The following STK33 variants were observed in gnomAD, a reference collection of about 807,000 sequenced individuals.
STK33 encodes serine/threonine kinase 33.
A neutral mutation model predicts 58.0 loss-of-function variants in STK33; 52 were observed. That is an observed-to-expected ratio of 0.90 (90% confidence interval 0.72 to 1.13). The LOEUF is 1.13. Among genes scored for constraint, STK33 ranks in the 50% most tolerant of loss-of-function variants. STK33 has a pLI of 0.00. For synonymous variants in STK33, 215 were observed against 200.1 expected, an observed-to-expected ratio of 1.07 and a Z score of -0.63; for missense variants, 630 against 604.2, an observed-to-expected ratio of 1.04 and a Z score of -0.45.
chr11:8,353,700 T>C, the STK33 span, among the ~76,000 whole-genome samples: 1 of 152,176 alleles, frequency 6.6e-6, no homozygotes, highest in Non-Finnish European at 1.5e-5. Context: ...GGGGTCTTCC[T>C]CGGAGGAGGC....
intron 11 of STK33, among the ~76,000 whole-genome samples, chr11:8,447,289 G>A (rs1945616787): frequency 6.6e-6 from 1 of 152,134 alleles, no homozygotes; most frequent in Non-Finnish European, 1.5e-5. Flanking sequence ...CATTTTATGA[G>A]GCCAGCATCA....
intron 1 of STK33, among the ~76,000 whole-genome samples, chr11:8,491,175 C>T (rs1397566835): frequency 2.0e-5 from 3 of 152,074 alleles, no homozygotes; most frequent in Non-Finnish European, 2.9e-5. Context: ...GAACCTATCG[C>T]AAGGAAGCTA....
intron 14 of STK33, among the ~76,000 whole-genome samples, chr11:8,423,227 T>C (rs1484868749): frequency 5.3e-5 from 8 of 151,882 alleles, no homozygotes; most frequent in Admixed American, 5.3e-4. Flanking sequence ...TTGTTGATCT[T>C]TTCTATTCTA....
intron 1 of STK33, among the ~76,000 whole-genome samples, chr11:8,494,173 T>C (rs893065038): frequency 6.6e-6 from 1 of 152,204 alleles, no homozygotes; most frequent in Non-Finnish European, 1.5e-5. Flanking sequence ...TGTTTGCAGA[T>C]GACATGATTG....
the STK33 span, among the ~76,000 whole-genome samples, chr11:8,383,534 T>C: frequency 1.3e-5 from 2 of 152,180 alleles, no homozygotes; most frequent in Non-Finnish European, 2.9e-5. Flanking sequence ...TCCAGGATTC[T>C]GCAAATATGG....
the STK33 span, among the ~76,000 whole-genome samples, chr11:8,349,731 C>G: frequency 6.6e-6 from 1 of 152,202 alleles, no homozygotes; most frequent in Non-Finnish European, 1.5e-5. Context: ...TGATCATGTC[C>G]CAGAGCTCCC....
intron 6 of STK33, among the ~76,000 whole-genome samples, chr11:8,471,374 A>T (rs1027412063): frequency 5.9e-5 from 9 of 152,194 alleles, no homozygotes; most frequent in Admixed American, 5.9e-4. Context: ...CTTATTTCTA[A>T]TAATTGTGTA....
chr11:8,519,998 C>T (rs1255831216), intron 1 of STK33, among the ~76,000 whole-genome samples: 3 of 152,134 alleles, frequency 2.0e-5, no homozygotes, highest in Admixed American at 6.5e-5. Context: ...TTTTATGAGG[C>T]CAGCATCATC....
At position 8,395,582 on chromosome 11, in the gene STK33, CTTTTTTCAACTAATGATT is replaced by C. The variant is rs1438139429; in HGVS notation, c.1345-2890_1345-2873del. 2.0e-5 allele frequency among the ~76,000 whole-genome samples: 3 copies of C among 152,276 alleles called. No individual in the cohort carries two copies. The East Asian group carries it at 5.8e-4, about 29-fold the overall frequency. ...CTATAAACACTCTTTTACACCTTGA[CTTTTTTCAACTAATGATT>C]ATCTTGAAGATCATTCCATGTCAAT... On this transcript the variant is annotated intron_variant, in intron 15 of 15. Transcript: ENST00000687296.
chr11:8,547,588 T>C (rs933499402), intron 1 of STK33, among the ~76,000 whole-genome samples: 2 of 152,232 alleles, frequency 1.3e-5, no homozygotes, highest in Non-Finnish European at 2.9e-5. Context: ...TATTTTGCTA[T>C]TGAATTGTTT....
intron 1 of STK33, among the ~76,000 whole-genome samples, chr11:8,484,037 A>G (rs553151582): frequency 2.6e-5 from 4 of 152,342 alleles, no homozygotes; most frequent in African/African-American, 9.6e-5. Flanking sequence ...TAAAATCTCA[A>G]AAGTCTTCTG....
the STK33 span, among the ~76,000 whole-genome samples, chr11:8,376,865 T>C: frequency 6.6e-6 from 1 of 152,110 alleles, no homozygotes; most frequent in Non-Finnish European, 1.5e-5. Flanking sequence ...TTAAGTGAGA[T>C]CACATCTTCC....
chr11:8,566,720 CTTT>C (rs1957468967), intron 1 of STK33, among the ~76,000 whole-genome samples: 1 of 152,172 alleles, frequency 6.6e-6, no homozygotes, highest in Non-Finnish European at 1.5e-5. Flanking sequence ...CAGCATACTT[CTTT>C]AATTTAGTAA....
the STK33 span, among the ~76,000 whole-genome samples, chr11:8,367,590 A>C: frequency 6.6e-6 from 1 of 152,216 alleles, no homozygotes; most frequent in African/African-American, 2.4e-5. Context: ...GTAGTAGAGA[A>C]GGGAAAGGGG....
the STK33 span, among the ~76,000 whole-genome samples, chr11:8,346,701 G>A: frequency 6.6e-5 from 10 of 152,076 alleles, no homozygotes; most frequent in Non-Finnish European, 1.0e-4. Flanking sequence ...TACATGAGGC[G>A]GCCTCCTCGT....
At chr11:8,483,801 T>A (rs1950014123) in intron 1 of STK33, among the ~76,000 whole-genome samples, 1 of 152,198 alleles carries the variant, frequency 6.6e-6, no homozygotes, top group African/African-American at 2.4e-5. Flanking sequence ...AATGGCTTAT[T>A]TCTAATGAGT....
the STK33 span, among the ~76,000 whole-genome samples, chr11:8,373,234 T>C: frequency 6.6e-6 from 1 of 151,738 alleles, no homozygotes; most frequent in Non-Finnish European, 1.5e-5. Context: ...AACCCACATG[T>C]TTCTGGGCAT....
At chr11:8,490,641 G>A (rs1950541823) in intron 1 of STK33, among the ~76,000 whole-genome samples, 1 of 152,162 alleles carries the variant, frequency 6.6e-6, no homozygotes. Context: ...CCCCTGTGTA[G>A]CCTAACTGGA....
intron 9 of STK33, 92 bp downstream of exon 9, chr11:8,457,249 T>A: frequency 3.4e-6 from 4 of 1,186,456 alleles, no homozygotes; most frequent in Non-Finnish European, 4.5e-6. Flanking sequence ...CAGGTGTTAT[T>A]TATATGACTA....
Sources: gnomAD v4.1 joint callset for allele counts (sites outside exome capture counted in the v4.1 genomes callset) on GRCh38, gnomAD v4.1.1 for gene constraint, MANE v1.5 for transcripts, NCBI Gene and HGNC (gene_info 2026-07-23, HGNC 2026-07-21) for gene names.